The following RALYL variants were observed in gnomAD, a reference collection of about 807,000 sequenced individuals.
RALYL encodes RNA-binding Raly-like protein.
Under a neutral mutation model 35.1 loss-of-function variants are expected in RALYL, and 29 were observed. That is an observed-to-expected ratio of 0.83 (90% CI 0.61 to 1.13). The LOEUF (loss-of-function observed/expected upper bound fraction) is 1.13, where lower values mean the gene tolerates loss of function less well. Ranked by LOEUF, RALYL falls within the 50% of genes most tolerant of loss-of-function variation. The probability of loss-of-function intolerance (pLI) is 0.00; values close to 1 mark genes in which losing one functional copy is unlikely to be tolerated. For missense variants in RALYL, 359 were observed against 360.4 expected (o/e 1.00, Z 0.03); for synonymous variants, 120 against 127.6 (o/e 0.94, Z 0.40).
intron 6 of RALYL, among the ~76,000 whole-genome samples, chr8:84,863,109 A>T (rs1008876050): frequency 3.3e-5 from 5 of 152,232 alleles, no homozygotes; most frequent in East Asian, 3.8e-4. Flanking sequence ...AGAAAGGATA[A>T]CAAAATTTCC....
In RALYL at chr8:84,380,556, C is replaced by T. The variant is rs577642681; in HGVS notation, c.-23-148743C>T. Among the ~76,000 whole-genome samples the T allele has an allele frequency of 2.6e-5, 4 of 151,628 alleles. No homozygotes were observed. The East Asian group carries it at 5.9e-4, about 22-fold the overall frequency. On this transcript the variant is annotated intron_variant, in intron 1 of 8. Transcript: ENST00000521268. ...AATTCAGATTCGATGGAAAGAGAAA[C>T]GGGAAAGCTTACTCTTTCTGGTCCT...
In RALYL at chr8:84,234,288, T is replaced by A. The variant is rs140880191; in HGVS notation, c.-24+49864T>A. On this transcript the variant is annotated intron_variant, in intron 1 of 8. Transcript: ENST00000521268. ...TTGTTCATTTGTCTTTTGACCCAAA[T>A]AAAAATGGTATCTTTTGTAGAAAGC... 1.8e-3 allele frequency among the ~76,000 whole-genome samples: 268 copies of A among 152,310 alleles called. 1 individual carries two copies. The highest frequency in any genetic ancestry group is 6.1e-3 in the African/African-American group (254 of 41,574).
chr8:84,483,626 C>T (rs928491641), intron 1 of RALYL, among the ~76,000 whole-genome samples: 7 of 152,086 alleles, frequency 4.6e-5, no homozygotes, highest in African/African-American at 1.7e-4. Context: ...ATCTTCAACT[C>T]AAAAGGTGGA....
At chr8:84,648,557 G>A (rs928348166) in intron 2 of RALYL, among the ~76,000 whole-genome samples, 2 of 151,894 alleles carry the variant, frequency 1.3e-5, no homozygotes, top group Middle Eastern at 3.4e-3. Flanking sequence ...TCACACGGGT[G>A]AACTATTAAC....
At chr8:84,498,384 A>G (rs531157696) in intron 1 of RALYL, among the ~76,000 whole-genome samples, 181 of 152,164 alleles carry the variant, frequency 1.2e-3, no homozygotes, top group Non-Finnish European at 2.2e-3. Context: ...GCCATTTCCT[A>G]TTATTAAATT....
chr8:84,200,688 C>A (rs1268529099), intron 1 of RALYL, among the ~76,000 whole-genome samples: 1 of 151,904 alleles, frequency 6.6e-6, no homozygotes, highest in Non-Finnish European at 1.5e-5. Context: ...AAAAGATGAT[C>A]TTGGTGATGT....
intron 1 of RALYL, among the ~76,000 whole-genome samples, chr8:84,425,379 G>A (rs959606880): frequency 4.6e-5 from 7 of 150,676 alleles, no homozygotes; most frequent in Admixed American, 6.6e-5. Flanking sequence ...GCGCTTCCCA[G>A]GTGAGGCAAT....
intron 2 of RALYL, among the ~76,000 whole-genome samples, chr8:84,597,655 C>A (rs1814893382): frequency 6.6e-6 from 1 of 151,988 alleles, no homozygotes; most frequent in Admixed American, 6.6e-5. Context: ...CATAAACCCC[C>A]AAAAATGTTT....
intron 4 of RALYL, among the ~76,000 whole-genome samples, chr8:84,837,950 C>T (rs1832371604): frequency 6.6e-6 from 1 of 152,122 alleles, no homozygotes; most frequent in Non-Finnish European, 1.5e-5. Context: ...CTAGACAGTG[C>T]CCTAAACTTC....
intron 3 of RALYL, among the ~76,000 whole-genome samples, chr8:84,794,401 C>G (rs1821448729): frequency 1.3e-5 from 2 of 152,186 alleles, no homozygotes; most frequent in Admixed American, 1.3e-4. Context: ...CACAGTTTCT[C>G]TGTAGGATTT....
chr8:84,532,742 TA>T (rs2059355907), intron 2 of RALYL, among the ~76,000 whole-genome samples: 1 of 152,094 alleles, frequency 6.6e-6, no homozygotes, highest in Non-Finnish European at 1.5e-5. Flanking sequence ...ACTGCATGTT[TA>T]AAATATTTAT....
intron 1 of RALYL, among the ~76,000 whole-genome samples, chr8:84,344,749 T>C (rs1849498282): frequency 6.6e-6 from 1 of 152,118 alleles, no homozygotes; most frequent in African/African-American, 2.4e-5. Context: ...TCTGCTACTA[T>C]GAGTTCAACT....
chr8:84,795,995 A>G (rs1821821256), intron 3 of RALYL, among the ~76,000 whole-genome samples: 1 of 152,230 alleles, frequency 6.6e-6, no homozygotes, highest in Non-Finnish European at 1.5e-5. Flanking sequence ...TGTATTCATC[A>G]TAACACTACA....
At chr8:84,522,723 G>A (rs908989064) in intron 1 of RALYL, among the ~76,000 whole-genome samples, 1 of 152,062 alleles carries the variant, frequency 6.6e-6, no homozygotes, top group Non-Finnish European at 1.5e-5. Flanking sequence ...TTGAGTAATA[G>A]CTCTAGACTT....
intron 1 of RALYL, among the ~76,000 whole-genome samples, chr8:84,511,879 T>A (rs143948896): frequency 6.6e-6 from 1 of 152,324 alleles, no homozygotes; most frequent in Non-Finnish European, 1.5e-5. Context: ...GATGTCATCC[T>A]TTTTATGGCT....
At chr8:84,585,548 AATT>A (rs1811800493) in intron 2 of RALYL, among the ~76,000 whole-genome samples, 1 of 152,124 alleles carries the variant, frequency 6.6e-6, no homozygotes, top group Non-Finnish European at 1.5e-5. Flanking sequence ...CATATTCAAT[AATT>A]ATTGTTTTTC....
intron 2 of RALYL, among the ~76,000 whole-genome samples, chr8:84,695,854 C>G (rs78496294): frequency 0.016 from 2,437 of 151,960 alleles, 26 homozygotes; most frequent in Middle Eastern, 0.051. Flanking sequence ...CTACCCCTCT[C>G]AGTAATTCTC....
chr8:84,401,518 A>G (rs1355352674), intron 1 of RALYL, among the ~76,000 whole-genome samples: 8 of 151,544 alleles, frequency 5.3e-5, no homozygotes, highest in East Asian at 2.0e-4. Flanking sequence ...GGCGCCTGTA[A>G]TCCCAGCTAC....
intron 2 of RALYL, among the ~76,000 whole-genome samples, chr8:84,606,877 A>G (rs1246679829): frequency 6.6e-6 from 1 of 152,100 alleles, no homozygotes; most frequent in Non-Finnish European, 1.5e-5. Context: ...AAAGATTTGG[A>G]GTCATAGAAT....
Sources: gnomAD v4.1 joint callset for allele counts (sites outside exome capture counted in the v4.1 genomes callset) on GRCh38, gnomAD v4.1.1 for gene constraint, MANE v1.5 for transcripts, NCBI Gene and HGNC (gene_info 2026-07-23, HGNC 2026-07-21) for gene names.